Variants in KLRD1 observed in about 807,000 individuals in gnomAD.
KLRD1 encodes the protein killer cell lectin like receptor D1.
In KLRD1, 21 loss-of-function variants were observed where a neutral mutation model predicts 22.6. The observed-to-expected ratio is 0.93, with a 90% confidence interval of 0.66 to 1.34. The LOEUF (loss-of-function observed/expected upper bound fraction) is 1.34. Ranked by LOEUF, KLRD1 falls within the 40% of genes most tolerant of loss-of-function variation. The probability of loss-of-function intolerance (pLI) is 0.00; values close to 1 mark genes in which losing one functional copy is unlikely to be tolerated. For missense variants in KLRD1, 183 were observed against 208.6 expected, an observed-to-expected ratio of 0.88 and a Z score of 0.76; for synonymous variants, 59 against 71.1, an observed-to-expected ratio of 0.83 and a Z score of 0.85.
At chr12:10,274,025 G>T (rs1341510944) in intron 1 of KLRD1, among the ~76,000 whole-genome samples, 1 of 152,118 alleles carries the variant, frequency 6.6e-6, no homozygotes, top group Non-Finnish European at 1.5e-5. Context: ...GCTCATGCTT[G>T]TAATCCCAGC....
intron 1 of KLRD1, among the ~76,000 whole-genome samples, chr12:10,281,722 GTTA>G (rs1362347815): frequency 1.3e-5 from 2 of 152,152 alleles, no homozygotes; most frequent in Non-Finnish European, 2.9e-5. Flanking sequence ...CAAAAATTTT[GTTA>G]TTATATAGAT....
At chr12:10,285,509 A>G (rs1288279116) in intron 1 of KLRD1, among the ~76,000 whole-genome samples, 1 of 152,218 alleles carries the variant, frequency 6.6e-6, no homozygotes, top group Non-Finnish European at 1.5e-5. Context: ...TTAAGCTTCC[A>G]ATATGAAATA....
intron 1 of KLRD1, among the ~76,000 whole-genome samples, chr12:10,256,267 C>A (rs1949394209): frequency 6.6e-6 from 1 of 151,848 alleles, no homozygotes; most frequent in African/African-American, 2.4e-5. Flanking sequence ...CAATTCTGCC[C>A]ATCCATGCCT....
At chr12:10,241,860 T>C (rs905480305) in intron 1 of KLRD1, among the ~76,000 whole-genome samples, 1 of 152,124 alleles carries the variant, frequency 6.6e-6, no homozygotes, top group Non-Finnish European at 1.5e-5. Flanking sequence ...TTTGCAAACA[T>C]GATGTTCTCT....
intron 5 of KLRD1, 136 bp from the exon 6 acceptor site, chr12:10,314,537 G>A: frequency 1.6e-6 from 1 of 627,174 alleles, no homozygotes. Flanking sequence ...GAAAATTGTG[G>A]TTACTGAAAA....
rs751354142 is a variant in KLRD1 at position 10,311,616 on chromosome 12, G to T, written c.315+1G>T. On this transcript the variant is annotated splice_donor_variant, in intron 4 of 5. Transcript: ENST00000336164. LOFTEE classifies it high-confidence loss of function. ...TCAGCTTCAAAACACAGATGAACTG[G>T]CATGTGCTGAGTCTGATTTTCTACA... is the stretch of plus-strand genomic sequence containing the variant. The T allele has an allele frequency of 1.9e-6, 3 of 1,613,624 alleles. No individual in the cohort carries two copies. The highest frequency in any genetic ancestry group is 2.5e-6 in the Non-Finnish European group (3 of 1,179,604).
At chr12:10,239,454 C>CTTATTCTTCCTTCCTTCT (rs1203341537) in intron 1 of KLRD1, among the ~76,000 whole-genome samples, 1 of 23,228 alleles carries the variant, frequency 4.3e-5, no homozygotes. Context: ...TCCTTCCTTC[C>CTTATTCTTCCTTCCTTCT]TTCCTTCCTT....
Position 10,246,257 on chromosome 12 carries a change from A to AT in KLRD1, c.-101+20033dup, listed in dbSNP as rs548308541. On this transcript the variant is annotated intron_variant, in intron 1 of 5. Coordinates refer to the KLRD1 transcript ENST00000544747. ...TAGTCTGAATGCAGAAATTGTGGGGATTTTTTTTTCATCCCATATACACAC... is the reference window on the plus strand; with the variant it reads ...TAGTCTGAATGCAGAAATTGTGGGGATTTTTTTTTTCATCCCATATACACAC... Among the ~76,000 whole-genome samples the AT allele has an allele frequency of 1.6e-3, 238 of 151,374 alleles. 2 individuals are homozygous for AT. The highest frequency in any genetic ancestry group is 0.012 in the Admixed American group (176 of 15,154).
chr12:10,261,895 A>G lies in KLRD1; in HGVS notation c.-101+35662A>G, dbSNP rs1173662860. ...TGTAGTACCAGGAATATTTGAAGCA[A>G]TCAACAAATATTAGCTCTTTTTTAG... On this transcript the variant is annotated intron_variant, in intron 1 of 5. Coordinates refer to the KLRD1 transcript ENST00000544747. Among the ~76,000 whole-genome samples the G allele has an allele frequency of 2.0e-5, 3 of 152,142 alleles. No individual in the cohort carries two copies. The East Asian group carries it at 5.8e-4, about 29-fold the overall frequency.
chr12:10,304,287 GT>G (rs1295881953), upstream of KLRD1, among the ~76,000 whole-genome samples: 3 of 152,106 alleles, frequency 2.0e-5, no homozygotes, highest in Non-Finnish European at 2.9e-5. Flanking sequence ...TGGCTGCACC[GT>G]TTACACAAAA....
intron 1 of KLRD1, among the ~76,000 whole-genome samples, chr12:10,272,014 G>A (rs1949555249): frequency 6.6e-6 from 1 of 152,096 alleles, no homozygotes; most frequent in Non-Finnish European, 1.5e-5. Flanking sequence ...TTCTTTAGTA[G>A]TAGTAATAAT....
At chr12:10,289,495 C>T (rs74060317) in intron 1 of KLRD1, among the ~76,000 whole-genome samples, 1 of 152,204 alleles carries the variant, frequency 6.6e-6, no homozygotes, top group Non-Finnish European at 1.5e-5. Flanking sequence ...AATTCTGTGA[C>T]CACTATTTGC....
chr12:10,312,856 GGGC>G (rs1950123093), intron 4 of KLRD1, among the ~76,000 whole-genome samples: 1 of 151,478 alleles, frequency 6.6e-6, no homozygotes, highest in African/African-American at 2.4e-5. Context: ...GCGTGGTGGC[GGGC>G]GCCTGTAGTC....
chr12:10,245,467 A>T (rs1949282288), intron 1 of KLRD1, among the ~76,000 whole-genome samples: 1 of 152,230 alleles, frequency 6.6e-6, no homozygotes, highest in South Asian at 2.1e-4. Flanking sequence ...CATTTCAGAA[A>T]GATAAGCTTG....
chr12:10,246,851 C>A (rs535233675), intron 1 of KLRD1, among the ~76,000 whole-genome samples: 1 of 151,862 alleles, frequency 6.6e-6, no homozygotes. Flanking sequence ...CCTTCATAGT[C>A]CCATTAAATG....
At chr12:10,294,171 G>A (rs1431575835) in intron 1 of KLRD1, among the ~76,000 whole-genome samples, 4 of 151,996 alleles carry the variant, frequency 2.6e-5, no homozygotes, top group African/African-American at 7.3e-5. Flanking sequence ...TCTATACAAC[G>A]CACCCAAATA....
Position 10,321,003 on chromosome 12 carries a change from A to T in KLRD1, c.*6210A>T, listed in dbSNP as rs1241355094. The T allele has an allele frequency of 6.6e-6, 1 of 152,226 alleles. No individual in the cohort carries two copies. The highest frequency in any genetic ancestry group is 1.5e-5 in the Non-Finnish European group (1 of 68,036). The allele number at this position is 152,226 out of a possible 1,614,324, so 9.4% of individuals were successfully genotyped here. ...CTATGTCAGTAGAAAATTGACAATG[A>T]ATTGCTACCTTTTATTCAAAAGTAA... On this transcript the variant is annotated 3_prime_UTR_variant, in exon 6 of 6. Coordinates refer to ENST00000336164, the MANE Select transcript of KLRD1 (RefSeq NM_002262.5).
upstream of KLRD1, among the ~76,000 whole-genome samples, chr12:10,303,256 C>A (rs1949882465): frequency 6.6e-6 from 1 of 152,132 alleles, no homozygotes; most frequent in Non-Finnish European, 1.5e-5. Context: ...TGCTTATCCT[C>A]TTTTCCTTCA....
In KLRD1 at chr12:10,328,559, G is replaced by T. The variant is rs1369667291; in HGVS notation, c.*13766G>T. The T allele has an allele frequency of 6.6e-6, 1 of 151,808 alleles. No homozygotes were observed. The highest frequency in any genetic ancestry group is 1.5e-5 in the Non-Finnish European group (1 of 67,916). The allele number at this position is 151,808 out of a possible 1,614,324, so 9.4% of individuals were successfully genotyped here. A position where few individuals can be genotyped will look rare whatever the true frequency, so the allele number is the denominator to read the frequency against. On this transcript the variant is annotated 3_prime_UTR_variant, in exon 6 of 6. Transcript: ENST00000336164. Reference sequence around the variant, plus strand: ...TCTTCTTTTTCTTAGTCTAGCTAAAGGTTTGTCAAGTTATTTATATTTTCC... The same window carrying T: ...TCTTCTTTTTCTTAGTCTAGCTAAATGTTTGTCAAGTTATTTATATTTTCC...
Sources: allele counts gnomAD v4.1 joint callset (sites outside exome capture counted in the v4.1 genomes callset), GRCh38; gene constraint gnomAD v4.1.1; transcripts MANE v1.5; gene names NCBI Gene and HGNC (gene_info 2026-07-23, HGNC 2026-07-21).